Variants in DYNC2H1 observed in about 807,000 individuals in gnomAD.
The protein encoded by DYNC2H1 is cytoplasmic dynein 2 heavy chain 1.
In DYNC2H1, 410 loss-of-function variants were observed where a neutral mutation model predicts 570.0. The observed-to-expected ratio is 0.72, with a 90% CI of 0.66 to 0.78. The LOEUF (loss-of-function observed/expected upper bound fraction) is 0.78, where lower values mean the gene tolerates loss of function less well. Ranked by LOEUF, DYNC2H1 falls within the 30% of genes least tolerant of loss-of-function variation. The pLI, the probability that DYNC2H1 is intolerant of heterozygous loss-of-function variation, is 0.00. For missense variants in DYNC2H1, 4,865 were observed against 5,046.4 expected (o/e 0.96, Z 1.09); for synonymous variants, 1,688 against 1,677.6 (o/e 1.01, Z -0.15).
At chr11:103,400,614 T>C (rs1464407303) in intron 84 of DYNC2H1, among the ~76,000 whole-genome samples, 1 of 152,204 alleles carries the variant, frequency 6.6e-6, no homozygotes, top group East Asian at 1.9e-4. Context: ...CAGAAGTTGG[T>C]ATCTGGAAAA....
chr11:103,468,776 A>T, intron 88 of DYNC2H1, 71 bp downstream of exon 88: 3 of 1,212,948 alleles, frequency 2.5e-6, no homozygotes, highest in Non-Finnish European at 3.5e-6. Flanking sequence ...TTTCAAGAAG[A>T]CATTCTTGGC....
intron 83 of DYNC2H1, among the ~76,000 whole-genome samples, 159 bp downstream of exon 83, chr11:103,358,518 C>T (rs1940470857): frequency 6.6e-6 from 1 of 152,184 alleles, no homozygotes; most frequent in Admixed American, 6.5e-5. Flanking sequence ...CAGTGCACAT[C>T]AAAGTTAGTA....
At chr11:103,459,037 C>CGGT (rs2135816912) in intron 87 of DYNC2H1, among the ~76,000 whole-genome samples, 1 of 151,686 alleles carries the variant, frequency 6.6e-6, no homozygotes, top group African/African-American at 2.4e-5. Context: ...AGGCCGGGCG[C>CGGT]GGTGGCTCAC....
intron 72 of DYNC2H1, 150 bp downstream of exon 72, chr11:103,282,379 C>A: frequency 3.0e-6 from 2 of 671,538 alleles, no homozygotes; most frequent in South Asian, 2.0e-5. Flanking sequence ...TTAAGTATTT[C>A]CTATAAAATA....
rs1251442921 is a variant in DYNC2H1, at chr11:103,161,177, TA to T, written c.4491+138del. On this transcript the variant is annotated intron_variant, in intron 29 of 88. Transcript: ENST00000375735. The stretch of plus-strand genomic sequence containing the variant: ...ATTTTAGGAAACTCAGCTCATATCT[TA>T]AAAATGATTTGTTTTGTTAGTTTCG... 6.6e-6 allele frequency: 3 copies of T among 456,062 alleles called. No homozygotes were observed. The Admixed American group carries it at 1.3e-4, about 20-fold the overall frequency. 28.3% of individuals were successfully genotyped at this position (456,062 alleles called of 1,614,324 possible). A position where few individuals can be genotyped will look rare whatever the true frequency, so the allele number is the denominator to read the frequency against.
chr11:103,380,069 C>G (rs1941575565), intron 83 of DYNC2H1, among the ~76,000 whole-genome samples: 1 of 152,070 alleles, frequency 6.6e-6, no homozygotes, highest in Non-Finnish European at 1.5e-5. Context: ...TAATTACTAG[C>G]TAAACTTAAT....
chr11:103,328,238 G>A lies in DYNC2H1; in HGVS notation c.12039+4248G>A, dbSNP rs532425511. On this transcript the variant is annotated intron_variant, in intron 82 of 88. Coordinates refer to ENST00000375735, the MANE Select transcript of DYNC2H1 (RefSeq NM_001377.3). ...TTTCTTATTTGTATTTTAACTGTCAGTCTGTTTCACTGCTTATTTACTTGA... is the reference window on the plus strand; with the variant it reads ...TTTCTTATTTGTATTTTAACTGTCAATCTGTTTCACTGCTTATTTACTTGA... Among the ~76,000 whole-genome samples, 155 of 152,152 alleles carry A rather than the reference G, an allele frequency of 1.0e-3. 1 individual carries two copies. The highest frequency in any genetic ancestry group is 3.4e-3 in the Middle Eastern group (1 of 294).
chr11:103,312,099 G>A (rs1218215534), intron 79 of DYNC2H1, 66 bp downstream of exon 79: 14 of 1,520,076 alleles, frequency 9.2e-6, no homozygotes, highest in Non-Finnish European at 1.2e-5. Flanking sequence ...ATATTTTTGT[G>A]GCCAGGCATG....
chr11:103,111,231 A>G (rs534187998), intron 1 of DYNC2H1, among the ~76,000 whole-genome samples: 4 of 152,244 alleles, frequency 2.6e-5, no homozygotes, highest in African/African-American at 9.6e-5. Context: ...AACTCAGTAC[A>G]TGCAAGGCAC....
In DYNC2H1 at chr11:103,233,867, TGTGTGTGTGTGG is replaced by T. The variant is rs771527510; in HGVS notation, c.9441-164_9441-153del. Reference sequence around the variant, plus strand: ...GTGTGTGTGTGTGTGTGTGTGTGTGTGTGTGTGTGTGGGTTTGTCTCTTCTATTAATGATACT... The same window carrying T: ...GTGTGTGTGTGTGTGTGTGTGTGTGTGTTTGTCTCTTCTATTAATGATACT... On this transcript the variant is annotated intron_variant, in intron 60 of 88. Transcript: ENST00000375735. Among the ~76,000 whole-genome samples the T allele has an allele frequency of 0.036, 4,437 of 123,430 alleles. 127 individuals carry two copies. Among genetic ancestry groups the T allele is most frequent in the African/African-American group, 0.062 (2,191 of 35,088 alleles). The allele number at this position is 123,430 out of a possible 152,430, so 81.0% of individuals were successfully genotyped here. A position where few individuals can be genotyped will look rare whatever the true frequency, so the allele number is the denominator to read the frequency against.
At chr11:103,330,676 A>G in intron 82 of DYNC2H1, among the ~76,000 whole-genome samples, 1 of 151,850 alleles carries the variant, frequency 6.6e-6, no homozygotes, top group Non-Finnish European at 1.5e-5. Flanking sequence ...CAGTTAAAAT[A>G]GCACTTAGTA....
intron 31 of DYNC2H1, 125 bp downstream of exon 31, chr11:103,166,173 T>C: frequency 1.5e-6 from 1 of 673,212 alleles, no homozygotes; most frequent in East Asian, 3.4e-5. Flanking sequence ...TTACAACATA[T>C]ATACTTAAAT....
intron 1 of DYNC2H1, 68 bp from the exon 2 acceptor site, chr11:103,113,469 C>A: frequency 7.7e-7 from 1 of 1,290,628 alleles, no homozygotes; most frequent in African/African-American, 1.6e-5. Context: ...AGTGATAGAA[C>A]TTTGTCTACA....
chr11:103,296,289 C>G (rs1866822694), intron 75 of DYNC2H1, among the ~76,000 whole-genome samples: 1 of 152,120 alleles, frequency 6.6e-6, no homozygotes, highest in Non-Finnish European at 1.5e-5. Flanking sequence ...TGCTCTGCCT[C>G]CTTCTTAACT....
chr11:103,179,938 AT>A (rs919738740), intron 39 of DYNC2H1, among the ~76,000 whole-genome samples: 107 of 151,376 alleles, frequency 7.1e-4, no homozygotes, highest in Admixed American at 3.3e-3. Context: ...GTAGCATTTT[AT>A]TTTTTTTAGT....
intron 6 of DYNC2H1, among the ~76,000 whole-genome samples, chr11:103,119,690 C>T (rs1003134182): frequency 7.2e-5 from 11 of 152,068 alleles, no homozygotes; most frequent in African/African-American, 2.7e-4. Context: ...TGTTCCAGCC[C>T]AGCCCATGTT....
chr11:103,327,351 A>G (rs990082203), intron 82 of DYNC2H1, among the ~76,000 whole-genome samples: 5 of 152,124 alleles, frequency 3.3e-5, no homozygotes, highest in Non-Finnish European at 7.4e-5. Flanking sequence ...GTGTGTGTAT[A>G]ATACATATAT....
intron 48 of DYNC2H1, among the ~76,000 whole-genome samples, chr11:103,198,511 A>G (rs1241806440): frequency 6.6e-6 from 1 of 152,166 alleles, no homozygotes; most frequent in Non-Finnish European, 1.5e-5. Flanking sequence ...GAGTAGTGCT[A>G]TCCTAGAGAG....
chr11:103,200,167 T>C lies in DYNC2H1; in HGVS notation c.8197+13T>C. Reference sequence around the variant, plus strand: ...CTTTTGTCTTCAGGCAAGTGAACAGTTTCTTTTCGAAGAAAATAAAAATAA... The same window carrying C: ...CTTTTGTCTTCAGGCAAGTGAACAGCTTCTTTTCGAAGAAAATAAAAATAA... On this transcript the variant is annotated intron_variant, in intron 50 of 88. Transcript: ENST00000375735. 6.8e-7 allele frequency: 1 copy of C among 1,480,082 alleles called. No individual in the cohort carries two copies. 91.7% of individuals were successfully genotyped at this position (1,480,082 alleles called of 1,614,324 possible).
Sources: allele counts gnomAD v4.1 joint callset (sites outside exome capture counted in the v4.1 genomes callset), GRCh38; gene constraint gnomAD v4.1.1; transcripts MANE v1.5; gene names NCBI Gene and HGNC (gene_info 2026-07-23, HGNC 2026-07-21).